ADAM9: variants seen among roughly 807,000 people sequenced by gnomAD.
ADAM9 encodes ADAM metallopeptidase domain 9, also known as disintegrin and metalloproteinase domain-containing protein 9.
In ADAM9, 54 loss-of-function variants were observed where a neutral mutation model predicts 108.1. The ratio of observed to expected loss-of-function variants is 0.50; its 90% CI spans 0.40 to 0.63. The LOEUF is 0.63. Ranked by LOEUF, ADAM9 falls within the 20% of genes least tolerant of loss-of-function variation. The pLI, the probability that ADAM9 is intolerant of heterozygous loss-of-function variation, is 0.00. For synonymous variants in ADAM9, 316 were observed against 336.0 expected (o/e 0.94, Z 0.65); for missense variants, 830 against 997.7 (o/e 0.83, Z 2.26).
chr8:39,017,269 A>G lies in ADAM9; in HGVS notation c.461A>G (p.Asn154Ser). The change falls in exon 6 of 22, where the codon AAC becomes AGC. Residue 154 changes from asparagine to serine, a missense_variant. Asn to Ser is a conservative substitution (Grantham distance 46). Around this residue, in one of 3 missense-constraint regions of ADAM9, gnomAD observed 211 missense variants for 222.2 expected, o/e 0.95. Coordinates refer to ENST00000487273, the MANE Select transcript of ADAM9 (RefSeq NM_003816.3). ...NASYGIEPLQ[N>S]SSHFEHIIYR... ...AGTTATGGGATTGAACCCCTGCAGA[A>G]CAGCTCTCATTTTGAGCACATCATT... is the stretch of plus-strand genomic sequence containing the variant. 1.9e-6 allele frequency: 3 copies of G among 1,614,176 alleles called. No homozygotes were observed. The highest frequency in any genetic ancestry group is 1.7e-5 in the Admixed American group (1 of 60,018).
chr8:39,082,229 A>G (rs762379472), intron 16 of ADAM9, among the ~76,000 whole-genome samples: 2 of 152,186 alleles, frequency 1.3e-5, no homozygotes, highest in African/African-American at 2.4e-5. Flanking sequence ...GATATCTGTC[A>G]TAGTAACAAC....
intron 11 of ADAM9, among the ~76,000 whole-genome samples, chr8:39,039,414 G>C (rs1837386950): frequency 6.6e-6 from 1 of 152,162 alleles, no homozygotes; most frequent in South Asian, 2.1e-4. Flanking sequence ...GTGTGGCAAA[G>C]AGCACCTATA....
chr8:39,037,361 TTCTATGGCCATTG>T (rs1460290929), intron 11 of ADAM9, among the ~76,000 whole-genome samples: 4 of 149,812 alleles, frequency 2.7e-5, no homozygotes, highest in Non-Finnish European at 5.9e-5. Flanking sequence ...CCTGCGCAAG[TTCTATGGCCATTG>T]TCTAATTAAA....
chr8:39,093,842 T>C (rs1485757745), intron 20 of ADAM9, among the ~76,000 whole-genome samples: 1 of 152,238 alleles, frequency 6.6e-6, no homozygotes, highest in East Asian at 1.9e-4. Flanking sequence ...CGATCTCGGC[T>C]TACTGCAACC....
chr8:39,014,683 A>AT, intron 4 of ADAM9: 1 of 617,824 alleles, frequency 1.6e-6, no homozygotes, highest in East Asian at 2.8e-5. Context: ...TTCTTTTGCA[A>AT]TGGTTTTCAT....
chr8:39,036,304 G>A (rs1399936428), intron 11 of ADAM9, among the ~76,000 whole-genome samples: 2 of 152,084 alleles, frequency 1.3e-5, no homozygotes. Context: ...CCATCAGCAA[G>A]CTTCCATAAT....
At chr8:38,997,692 A>G (rs554820721) in intron 1 of ADAM9, among the ~76,000 whole-genome samples, 142 of 152,378 alleles carry the variant, frequency 9.3e-4, no homozygotes, top group African/African-American at 3.3e-3. Context: ...GCTAAATTTA[A>G]TGGTGGAATA....
chr8:39,086,629 C>T (rs1189154857), intron 18 of ADAM9, among the ~76,000 whole-genome samples: 1 of 152,032 alleles, frequency 6.6e-6, no homozygotes, highest in Non-Finnish European at 1.5e-5. Context: ...ATTTTTCCCT[C>T]TTTTATTTTC....
intron 14 of ADAM9, among the ~76,000 whole-genome samples, chr8:39,064,972 T>G (rs28779004): frequency 6.6e-6 from 1 of 152,112 alleles, no homozygotes; most frequent in Admixed American, 6.5e-5. Context: ...AATGACCTCT[T>G]CAAGGTGATA....
chr8:39,046,628 T>C (rs1414409639), intron 12 of ADAM9, among the ~76,000 whole-genome samples: 1 of 152,198 alleles, frequency 6.6e-6, no homozygotes, highest in African/African-American at 2.4e-5. Context: ...TTGAAGTTAT[T>C]TTCCTTTATT....
intron 1 of ADAM9, among the ~76,000 whole-genome samples, chr8:39,006,206 A>T (rs1295023062): frequency 6.6e-6 from 1 of 152,312 alleles, no homozygotes; most frequent in East Asian, 1.9e-4. Flanking sequence ...TGGTAAAATA[A>T]CCAGTTTCTC....
intron 2 of ADAM9, among the ~76,000 whole-genome samples, chr8:39,009,460 A>C (rs771536468): frequency 6.6e-6 from 1 of 152,140 alleles, no homozygotes; most frequent in Non-Finnish European, 1.5e-5. Context: ...GCTGGTCTCG[A>C]ACTCTTGGCT....
chr8:39,008,310 A>G (rs1836231579), intron 2 of ADAM9, among the ~76,000 whole-genome samples: 1 of 151,928 alleles, frequency 6.6e-6, no homozygotes, highest in Non-Finnish European at 1.5e-5. Context: ...AGCTGGGACT[A>G]CAGGCATGTG....
chr8:39,048,624 G>A (rs527490193), intron 12 of ADAM9, among the ~76,000 whole-genome samples: 14 of 152,188 alleles, frequency 9.2e-5, no homozygotes, highest in Middle Eastern at 3.4e-3. Context: ...CTGTGTTTCC[G>A]TATTGATCTT....
chr8:39,021,441 G>T (rs6997721), intron 7 of ADAM9, among the ~76,000 whole-genome samples: 1 of 151,880 alleles, frequency 6.6e-6, no homozygotes, highest in South Asian at 2.1e-4. Context: ...CTGCCACCAC[G>T]CCTGGCTAAT....
At chr8:39,097,664 TGA>T (rs1839554244) in intron 20 of ADAM9, among the ~76,000 whole-genome samples, 1 of 152,098 alleles carries the variant, frequency 6.6e-6, no homozygotes, top group African/African-American at 2.4e-5. Context: ...ATATGACTAT[TGA>T]ATTATGAAAT....
At chr8:39,086,536 T>C (rs1217734461) in intron 18 of ADAM9, among the ~76,000 whole-genome samples, 1 of 152,234 alleles carries the variant, frequency 6.6e-6, no homozygotes. Flanking sequence ...CTTTACTTTT[T>C]TGAACAAATA....
In ADAM9 at chr8:39,042,041, A is replaced by T; in HGVS notation, c.1226A>T (p.Asp409Val). ...GNCLLNIPKP[D>V]EAYSAPSCGN... ...TGCCTTCTTAATATTCCAAAGCCTG[A>T]TGAAGCCTATAGTGCTCCCTCCTGT... The change falls in exon 12 of 22, where the codon GAT becomes GTT. Residue 409 changes from aspartate to valine, a missense_variant. By Grantham distance (152) the Asp-to-Val change is radical (BLOSUM62 -3). This residue lies in a region of ADAM9 where 381 missense variants were observed against 539.8 expected (regional missense o/e 0.71). Transcript: ENST00000487273. 3 of 1,614,172 alleles carry T rather than the reference A, an allele frequency of 1.9e-6. No individual in the cohort carries two copies. Among genetic ancestry groups the T allele is most frequent in the Non-Finnish European group, 2.5e-6 (3 of 1,179,972 alleles).
chr8:39,055,917 T>TG (rs768838814), intron 14 of ADAM9, 145 bp downstream of exon 14: 32 of 818,802 alleles, frequency 3.9e-5, no homozygotes, highest in Non-Finnish European at 5.8e-5. Context: ...GAGGCAGTCA[T>TG]GATCATGAAT....
Sources: gnomAD v4.1 joint callset for allele counts (sites outside exome capture counted in the v4.1 genomes callset) on GRCh38, gnomAD v4.1.1 for gene constraint, gnomAD v4.1.1 regional missense constraint, MANE v1.5 for transcripts, NCBI Gene and HGNC (gene_info 2026-07-23, HGNC 2026-07-21) for gene names.